ABLIM1: variants seen among roughly 807,000 people sequenced by gnomAD.
ABLIM1 encodes the protein actin-binding LIM protein 1.
A neutral mutation model predicts 107.0 loss-of-function variants in ABLIM1; 40 were observed. The observed-to-expected ratio is 0.37, with a 90% CI of 0.29 to 0.49. The LOEUF (loss-of-function observed/expected upper bound fraction) is 0.49, where lower values mean the gene tolerates loss of function less well. Among genes scored for constraint, ABLIM1 ranks in the 20% least tolerant of loss-of-function variants. ABLIM1 has a pLI of 0.97. For missense variants in ABLIM1, 857 were observed against 1,008.5 expected (o/e 0.85, Z 2.04); for synonymous variants, 357 against 357.3 (o/e 1.00, Z 0.01).
At chr10:114,679,848 A>T (rs970433233) in intron 1 of ABLIM1, among the ~76,000 whole-genome samples, 3 of 152,124 alleles carry the variant, frequency 2.0e-5, no homozygotes, top group Admixed American at 2.0e-4. Context: ...GCGAGAAGAC[A>T]CTATCTGCCT....
At chr10:114,676,125 C>G (rs551678901) in intron 1 of ABLIM1, among the ~76,000 whole-genome samples, 1 of 152,298 alleles carries the variant, frequency 6.6e-6, no homozygotes, top group East Asian at 1.9e-4. Flanking sequence ...AATTACCTGA[C>G]AGTGGGGCAA....
chr10:114,444,708 G>C, intron 16 of ABLIM1, among the ~76,000 whole-genome samples: 1 of 151,906 alleles, frequency 6.6e-6, no homozygotes, highest in Non-Finnish European at 1.5e-5. Context: ...CTAATATCAC[G>C]TGCATTTCCT....
intron 1 of ABLIM1, chr10:114,610,650 T>C (rs2076743710): frequency 6.6e-6 from 1 of 152,226 alleles, no homozygotes; most frequent in African/African-American, 2.4e-5. Flanking sequence ...TTTCCTGCTG[T>C]GGCAAGTGGC....
In ABLIM1 at chr10:114,586,784, C is replaced by T. The variant is rs116298609; in HGVS notation, c.380-11185G>A. Among the ~76,000 whole-genome samples the T allele has an allele frequency of 3.6e-3, 550 of 152,278 alleles. 5 individuals are homozygous for T. The highest frequency in any genetic ancestry group is 0.013 in the African/African-American group (526 of 41,560). On this transcript the variant is annotated intron_variant, in intron 2 of 22. Coordinates refer to ENST00000533213, the MANE Select transcript of ABLIM1 (RefSeq NM_002313.7). ...AAGATGATCATGCTATTTTCCTGAC[C>T]TAAATATCTAGGTGAAATCCCAGGG...
At chr10:114,483,859 G>C (rs1045687288) in intron 8 of ABLIM1, among the ~76,000 whole-genome samples, 1 of 152,160 alleles carries the variant, frequency 6.6e-6, no homozygotes, top group African/African-American at 2.4e-5. Flanking sequence ...GTAGAAAGTC[G>C]CTTCTAGTTT....
chr10:114,463,190 G>C, intron 12 of ABLIM1: 1 of 1,240,448 alleles, frequency 8.1e-7, no homozygotes. Flanking sequence ...TCAGGGGCAG[G>C]GCACGGTGGA....
intron 1 of ABLIM1, among the ~76,000 whole-genome samples, chr10:114,726,470 CA>C (rs998798721): frequency 2.0e-5 from 3 of 151,942 alleles, no homozygotes; most frequent in Non-Finnish European, 4.4e-5. Context: ...ATGGCAAAAG[CA>C]GGAGAAAGGG....
At chr10:114,466,612 T>A (rs1412907495) in intron 11 of ABLIM1, among the ~76,000 whole-genome samples, 1 of 152,202 alleles carries the variant, frequency 6.6e-6, no homozygotes, top group Non-Finnish European at 1.5e-5. Flanking sequence ...TCCTTCGTTC[T>A]GACCACCAAC....
intron 20 of ABLIM1, chr10:114,439,534 C>T (rs2059904548): frequency 2.0e-6 from 1 of 508,522 alleles, no homozygotes; most frequent in African/African-American, 1.9e-5. Context: ...TAAAAGATGC[C>T]CAAGTCTATT....
the ABLIM1 span, among the ~76,000 whole-genome samples, chr10:114,795,709 C>CAAA: frequency 9.2e-6 from 1 of 109,160 alleles, no homozygotes; most frequent in Non-Finnish European, 1.9e-5. Context: ...GACTCCATCT[C>CAAA]AAAAAAAAAA....
At chr10:114,725,847 C>T (rs2081948249) in intron 1 of ABLIM1, among the ~76,000 whole-genome samples, 2 of 151,398 alleles carry the variant, frequency 1.3e-5, no homozygotes, top group Admixed American at 6.6e-5. Context: ...CAGACTCAAG[C>T]GATTCTCCTA....
chr10:114,768,048 G>A (rs1049579603), intron 1 of ABLIM1: 7 of 431,592 alleles, frequency 1.6e-5, no homozygotes, highest in African/African-American at 1.5e-4. Context: ...GTGCCCACCT[G>A]GTCCCCACTC....
At chr10:114,640,149 TCTTCCTTTTAGCC>T (rs2078672890) in intron 1 of ABLIM1, among the ~76,000 whole-genome samples, 1 of 152,348 alleles carries the variant, frequency 6.6e-6, no homozygotes, top group South Asian at 2.1e-4. Context: ...ACTAGCGCTG[TCTTCCTTTTAGCC>T]CTTCCTTATT....
chr10:114,515,265 T>C (rs1374003204), intron 6 of ABLIM1, among the ~76,000 whole-genome samples: 1 of 152,012 alleles, frequency 6.6e-6, no homozygotes, highest in Non-Finnish European at 1.5e-5. Context: ...CAGTGGGATC[T>C]TTCCCCAAAT....
At chr10:114,688,267 C>A (rs975684876), upstream of ABLIM1, among the ~76,000 whole-genome samples, 2 of 152,166 alleles carry the variant, frequency 1.3e-5, no homozygotes, top group South Asian at 2.1e-4. Flanking sequence ...ACTTCATGAG[C>A]TTTTCTGTTA....
At chr10:114,694,552 C>T (rs759726113) in intron 1 of ABLIM1, among the ~76,000 whole-genome samples, 2 of 152,112 alleles carry the variant, frequency 1.3e-5, no homozygotes, top group South Asian at 2.1e-4. Context: ...TTTATCTATA[C>T]GTATCTCCAT....
At chr10:114,533,377 G>T (rs1176134565) in intron 6 of ABLIM1, among the ~76,000 whole-genome samples, 1 of 151,978 alleles carries the variant, frequency 6.6e-6, no homozygotes, top group Non-Finnish European at 1.5e-5. Flanking sequence ...GCTGACTACT[G>T]GTTTGGAATA....
intron 1 of ABLIM1, among the ~76,000 whole-genome samples, chr10:114,763,705 A>G (rs530838346): frequency 1.3e-5 from 2 of 152,166 alleles, no homozygotes; most frequent in South Asian, 2.1e-4. Flanking sequence ...TATTACTTTT[A>G]TAACTTAAAA....
chr10:114,763,139 T>A (rs1343442193), intron 1 of ABLIM1, among the ~76,000 whole-genome samples: 1 of 152,196 alleles, frequency 6.6e-6, no homozygotes, highest in Non-Finnish European at 1.5e-5. Context: ...TCTGCATGTG[T>A]CTTGCATGGT....
Sources: gnomAD v4.1 joint callset for allele counts (sites outside exome capture counted in the v4.1 genomes callset) on GRCh38, gnomAD v4.1.1 for gene constraint, MANE v1.5 for transcripts, NCBI Gene and HGNC (gene_info 2026-07-23, HGNC 2026-07-21) for gene names.